The following SCYL3 variants were observed in gnomAD, a reference collection of about 807,000 sequenced individuals.
The protein encoded by SCYL3 is protein-associating with the carboxyl-terminal domain of ezrin.
Under a neutral mutation model 73.8 loss-of-function variants are expected in SCYL3, and 35 were observed. The ratio of observed to expected loss-of-function variants is 0.47; its 90% CI spans 0.36 to 0.63. The LOEUF (loss-of-function observed/expected upper bound fraction) is 0.63, where lower values mean the gene tolerates loss of function less well. Among genes scored for constraint, SCYL3 ranks in the 20% least tolerant of loss-of-function variants. The pLI is 0.00. For missense variants in SCYL3, 712 were observed against 798.9 expected (o/e 0.89, Z 1.31); for synonymous variants, 277 against 295.2 (o/e 0.94, Z 0.63).
chr1:169,870,403 G>C (rs1243018521), intron 5 of SCYL3, 46 bp from the exon 6 acceptor site: 1 of 1,350,206 alleles, frequency 7.4e-7, no homozygotes, highest in Non-Finnish European at 1.0e-6. Context: ...TGCCTTATAA[G>C]CCATTTCTAA....
chr1:169,855,915 G>T, intron 11 of SCYL3: 1 of 1,613,888 alleles, frequency 6.2e-7, no homozygotes, highest in Non-Finnish European at 8.5e-7. Context: ...CAAGATTGGC[G>T]AGATCTGACT....
chr1:169,878,201 C>G (rs1660992531), intron 3 of SCYL3, among the ~76,000 whole-genome samples: 1 of 152,190 alleles, frequency 6.6e-6, no homozygotes, highest in African/African-American at 2.4e-5. Flanking sequence ...TGTATGTATT[C>G]TGCCTCTTCC....
At position 169,853,454 on chromosome 1, in the gene SCYL3, T is replaced by G. The variant is rs1658692996; in HGVS notation, c.*259A>C. 6.6e-6 allele frequency: 3 copies of G among 455,610 alleles called. No homozygotes were observed. Among genetic ancestry groups the G allele is most frequent in the Non-Finnish European group, 3.9e-6 (1 of 259,174 alleles). 28.2% of individuals were successfully genotyped at this position (455,610 alleles called of 1,614,324 possible). A position where few individuals can be genotyped will look rare whatever the true frequency, so the allele number is the denominator to read the frequency against. On this transcript the variant is annotated 3_prime_UTR_variant, in exon 13 of 13. Transcript: ENST00000367771. ...TCGACCTCTCCTCAGCTACTTGCTC[T>G]TCATAGAAACTGGCCTCAGTCAAAT...
rs1660073669 is a variant in SCYL3, at chr1:169,866,950, TTCACAACTTCCAGAAAA to T, written c.744_760del (p.Asp248GlufsTer11). On this transcript the variant is annotated frameshift_variant, in exon 8 of 13. Transcript: ENST00000367771. LOFTEE classifies it high-confidence loss of function. ...CTTCAATGTTAAACTTTTCAAGAAA[TTCACAACTTCCAGAAAA>T]TCATTTCTAAATGCCAAAAAGAGAA... 6.3e-7 allele frequency: 1 copy of T among 1,590,388 alleles called. No individual in the cohort carries two copies. Among genetic ancestry groups the T allele is most frequent in the African/African-American group, 1.4e-5 (1 of 74,042 alleles).
rs1472229421 is a variant in SCYL3 at position 169,853,059 on chromosome 1, C to CAGAT, written c.*650_*653dup. 25 of 1,476,140 alleles carry CAGAT rather than the reference C, an allele frequency of 1.7e-5. No individual in the cohort carries two copies. Among genetic ancestry groups the CAGAT allele is most frequent in the South Asian group, 7.1e-5 (6 of 84,112 alleles). 91.4% of individuals were successfully genotyped at this position (1,476,140 alleles called of 1,614,324 possible). A position where few individuals can be genotyped will look rare whatever the true frequency, so the allele number is the denominator to read the frequency against. On this transcript the variant is annotated 3_prime_UTR_variant, in exon 13 of 13. Transcript: ENST00000367771. ...ATACTTATGTCTGTACATTTTCTAA[C>CAGAT]AGATATAAAACAAATTTTGTAAAGT...
At chr1:169,859,306 TTAGA>T (rs746677188) in intron 10 of SCYL3, 94 bp from the exon 11 acceptor site, 72 of 1,201,804 alleles carry the variant, frequency 6.0e-5, no homozygotes, top group South Asian at 9.9e-5. Flanking sequence ...CAGATTGTGC[TTAGA>T]TAAACTACAT....
chr1:169,881,314 A>G (rs754703793), intron 2 of SCYL3, among the ~76,000 whole-genome samples: 7 of 152,194 alleles, frequency 4.6e-5, no homozygotes, highest in Admixed American at 2.6e-4. Flanking sequence ...AAAAATTGAT[A>G]ATATGCATAT....
Position 169,852,509 on chromosome 1 carries a change from A to C in SCYL3, c.*1204T>G. 4.7e-6 allele frequency: 2 copies of C among 421,980 alleles called. No homozygotes were observed. Among genetic ancestry groups the C allele is most frequent in the Non-Finnish European group, 4.2e-6 (1 of 236,978 alleles). 26.1% of individuals were successfully genotyped at this position (421,980 alleles called of 1,614,324 possible). On this transcript the variant is annotated 3_prime_UTR_variant, in exon 13 of 13. Transcript: ENST00000367771. Reference sequence around the variant, plus strand: ...TTGTTTATAAGACATGTAAGCTTGGACTATGCAGCACTTCTCATTGGGAGC... The same window carrying C: ...TTGTTTATAAGACATGTAAGCTTGGCCTATGCAGCACTTCTCATTGGGAGC...
intron 10 of SCYL3, among the ~76,000 whole-genome samples, chr1:169,861,755 A>G (rs940579760): frequency 6.6e-6 from 1 of 152,174 alleles, no homozygotes; most frequent in Non-Finnish European, 1.5e-5. Flanking sequence ...TAGTCTTTTA[A>G]AACAATTTTT....
At chr1:169,882,510 A>T (rs1272142486) in intron 2 of SCYL3, among the ~76,000 whole-genome samples, 1 of 152,148 alleles carries the variant, frequency 6.6e-6, no homozygotes, top group Non-Finnish European at 1.5e-5. Context: ...ATGGCGTGGG[A>T]CTGGCAGGCA....
intron 1 of SCYL3, among the ~76,000 whole-genome samples, chr1:169,892,728 C>T (rs1271218180): frequency 2.0e-5 from 3 of 152,186 alleles, no homozygotes; most frequent in Admixed American, 1.3e-4. Context: ...TTGGGCAGCA[C>T]ATAAAATTTC....
At position 169,868,936 on chromosome 1, in the gene SCYL3, G is replaced by A. The variant is rs775728268; in HGVS notation, c.729C>T (p.Asp243=). The A allele has an allele frequency of 5.0e-6, 8 of 1,612,986 alleles. No individual in the cohort carries two copies. The highest frequency in any genetic ancestry group is 1.7e-5 in the Admixed American group (1 of 60,006). ...RPALCTLLSH[D]FFRNDFLEVV... is the part of the protein sequence containing the mutation. The stretch of plus-strand genomic sequence containing the variant: ...ACACCAGATGCCCTCACCTGAAGAA[G>A]TCATGAGATAGTAAGGTGCAGAGCG... The change falls in exon 7 of 13, where the codon GAC becomes GAT. Residue 243 remains aspartate (D), a synonymous_variant. Coordinates refer to ENST00000367771, the MANE Select transcript of SCYL3 (RefSeq NM_020423.7).
At chr1:169,893,581 G>A (rs1354413944) in intron 1 of SCYL3, among the ~76,000 whole-genome samples, 2 of 152,064 alleles carry the variant, frequency 1.3e-5, no homozygotes, top group African/African-American at 4.8e-5. Context: ...ATTACAGGGC[G>A]CCCCACAATC....
intron 11 of SCYL3, among the ~76,000 whole-genome samples, chr1:169,856,360 A>G (rs560341628): frequency 1.3e-5 from 2 of 152,364 alleles, no homozygotes; most frequent in African/African-American, 4.8e-5. Flanking sequence ...CCACAAAACT[A>G]TACACTTAAA....
rs777647294 is a variant in SCYL3 at position 169,852,976 on chromosome 1, A to G, written c.*737T>C. The stretch of plus-strand genomic sequence containing the variant: ...GGATAAGCTAAAACGTTACATACAT[A>G]CTCTAGGGTGAAACTTATCACTAGG... On this transcript the variant is annotated 3_prime_UTR_variant, in exon 13 of 13. Transcript: ENST00000367771. 1.7e-5 allele frequency: 28 copies of G among 1,613,770 alleles called. No individual in the cohort carries two copies. In the Admixed American group the frequency reaches 4.7e-4, roughly 27 times the overall value.
At chr1:169,883,840 T>G (rs1330046190) in intron 2 of SCYL3, among the ~76,000 whole-genome samples, 2 of 150,248 alleles carry the variant, frequency 1.3e-5, no homozygotes, top group Non-Finnish European at 3.0e-5. Flanking sequence ...TGCCTCAGCC[T>G]CCCAAGTAGC....
intron 2 of SCYL3, among the ~76,000 whole-genome samples, chr1:169,882,018 G>A (rs7529874): frequency 0.45 from 67,884 of 152,160 alleles, 15,528 homozygotes; most frequent in Middle Eastern, 0.59. Context: ...CGGCACTTGA[G>A]GAGCCCTTCA....
intron 2 of SCYL3, among the ~76,000 whole-genome samples, chr1:169,882,953 A>G (rs6702969): frequency 0.7 from 107,006 of 151,944 alleles, 37,879 homozygotes; most frequent in Middle Eastern, 0.86. Context: ...CAACCCTCTC[A>G]GGTCCGCTTC....
chr1:169,859,366 G>A (rs991797105), intron 10 of SCYL3, among the ~76,000 whole-genome samples, 154 bp from the exon 11 acceptor site: 6 of 152,064 alleles, frequency 3.9e-5, no homozygotes, highest in Admixed American at 1.3e-4. Flanking sequence ...AACTACCTGT[G>A]GTAAAAGACC....
Sources: gnomAD v4.1 joint callset for allele counts (sites outside exome capture counted in the v4.1 genomes callset) on GRCh38, gnomAD v4.1.1 for gene constraint, MANE v1.5 for transcripts, NCBI Gene and HGNC (gene_info 2026-07-23, HGNC 2026-07-21) for gene names.